The following STOX1 variants were observed in gnomAD, a reference collection of about 807,000 sequenced individuals.
The protein encoded by STOX1 is storkhead box 1, also known as storkhead-box protein 1.
In STOX1, 57 loss-of-function variants were observed where a neutral mutation model predicts 74.8. The ratio of observed to expected loss-of-function variants is 0.76; its 90% confidence interval spans 0.62 to 0.95. STOX1 has a LOEUF of 0.95. Ranked by LOEUF, STOX1 falls within the 40% of genes least tolerant of loss-of-function variation. The pLI is 0.00. For synonymous variants in STOX1, 375 were observed against 401.3 expected, an observed-to-expected ratio of 0.93 and a Z score of 0.78; for missense variants, 1,010 against 1,117.0, an observed-to-expected ratio of 0.90 and a Z score of 1.37.
rs1251786736 is a variant in STOX1 at position 68,827,556 on chromosome 10, C to T, written c.-68C>T. 9 of 1,023,302 alleles carry T rather than the reference C, an allele frequency of 8.8e-6. No individual in the cohort carries two copies. The East Asian group carries it at 4.7e-4, about 53-fold the overall frequency. 63.4% of individuals were successfully genotyped at this position (1,023,302 alleles called of 1,614,324 possible). ...GCAGTCGGCCGATCCTCCCGCCGAGCGAGCGGCGTCGTAGCCGCCGCGCTC... is the reference window on the plus strand; with the variant it reads ...GCAGTCGGCCGATCCTCCCGCCGAGTGAGCGGCGTCGTAGCCGCCGCGCTC... On this transcript the variant is annotated 5_prime_UTR_variant, in exon 1 of 4. Coordinates refer to ENST00000298596, the MANE Select transcript of STOX1 (RefSeq NM_152709.5).
Position 68,885,691 on chromosome 10 carries a change from G to T in STOX1, c.1895G>T (p.Gly632Val). The T allele has an allele frequency of 6.2e-7, 1 of 1,614,074 alleles. No homozygotes were observed. The highest frequency in any genetic ancestry group is 8.5e-7 in the Non-Finnish European group (1 of 1,180,028). The change falls in exon 3 of 4, where the codon GGG (glycine) becomes GTG (valine). Residue 632 changes from glycine (G) to valine (V), a missense_variant. Coordinates refer to ENST00000298596, the MANE Select transcript of STOX1 (RefSeq NM_152709.5). ...AGTCATTCCCACTTTGACAAATTAG[G>T]GGAGACCAAACAGACTCCGCATAGT... ...RKSHSHFDKL[G>V]ETKQTPHSLP...
At chr10:68,839,839 G>A (rs376557707) in intron 1 of STOX1, among the ~76,000 whole-genome samples, 1 of 152,088 alleles carries the variant, frequency 6.6e-6, no homozygotes, top group South Asian at 2.1e-4. Context: ...GCAGTGAGCC[G>A]AGATTGCGCC....
chr10:68,840,107 A>G lies in STOX1; in HGVS notation c.310+12174A>G, dbSNP rs1368324978. On this transcript the variant is annotated intron_variant, in intron 1 of 3. Coordinates refer to ENST00000298596, the MANE Select transcript of STOX1 (RefSeq NM_152709.5). ...GGGGACAAAAGGGTCTCTTCAACAA[A>G]TGGTCCTGGGAAAACAATCTCCACA... 4.6e-5 allele frequency among the ~76,000 whole-genome samples: 7 copies of G among 152,198 alleles called. No individual in the cohort carries two copies. The East Asian group carries it at 1.3e-3, about 29-fold the overall frequency.
chr10:68,862,276 C>G (rs966048647), intron 1 of STOX1, among the ~76,000 whole-genome samples: 11 of 151,642 alleles, frequency 7.3e-5, no homozygotes, highest in African/African-American at 2.2e-4. Context: ...AGAGGCTTCC[C>G]AAGGATGGGA....
chr10:68,889,801 G>A (rs941162267), intron 3 of STOX1, among the ~76,000 whole-genome samples: 2 of 151,326 alleles, frequency 1.3e-5, no homozygotes, highest in African/African-American at 2.4e-5. Flanking sequence ...TGCCTCAGGT[G>A]ATCCACTCGT....
intron 3 of STOX1, among the ~76,000 whole-genome samples, chr10:68,891,482 G>A (rs1178310696): frequency 6.6e-6 from 1 of 152,090 alleles, no homozygotes; most frequent in African/African-American, 2.4e-5. Flanking sequence ...TTGATGGAGA[G>A]TAGCAAAGTG....
At chr10:68,883,274 T>G (rs1424006476) in intron 2 of STOX1, among the ~76,000 whole-genome samples, 1 of 152,050 alleles carries the variant, frequency 6.6e-6, no homozygotes, top group Non-Finnish European at 1.5e-5. Flanking sequence ...TAATCCTAGC[T>G]ACTAAATAAA....
chr10:68,835,489 A>C (rs1246372170), intron 1 of STOX1, among the ~76,000 whole-genome samples: 1 of 151,910 alleles, frequency 6.6e-6, no homozygotes, highest in Non-Finnish European at 1.5e-5. Context: ...CATCTGGCTA[A>C]TTTATTTTTA....
intron 1 of STOX1, among the ~76,000 whole-genome samples, chr10:68,852,413 C>T (rs1329744575): frequency 7.3e-5 from 11 of 151,166 alleles, no homozygotes; most frequent in Non-Finnish European, 1.0e-4. Context: ...CGCCCGCCAC[C>T]GCACCCGGCT....
intron 1 of STOX1, among the ~76,000 whole-genome samples, chr10:68,864,673 G>T (rs1290975172): frequency 1.3e-5 from 2 of 152,228 alleles, no homozygotes; most frequent in East Asian, 3.8e-4. Flanking sequence ...ACCAGTAGGT[G>T]AATGATAAGT....
In STOX1 at chr10:68,886,285, T is replaced by A; in HGVS notation, c.2489T>A (p.Phe830Tyr). Reference protein sequence around the residue: ...ESCGLNSGAQFGFNYEEEPSV... With the variant: ...ESCGLNSGAQYGFNYEEEPSV... ...TGTGGCCTAAATTCAGGGGCCCAGT[T>A]TGGTTTTAACTACGAAGAAGAACCC... The change falls in exon 3 of 4, where the codon TTT (phenylalanine) becomes TAT (tyrosine). Residue 830 changes from phenylalanine to tyrosine, a missense_variant. Transcript: ENST00000298596. The A allele has an allele frequency of 6.2e-7, 1 of 1,614,204 alleles. No individual in the cohort carries two copies. The highest frequency in any genetic ancestry group is 8.5e-7 in the Non-Finnish European group (1 of 1,180,032).
intron 1 of STOX1, among the ~76,000 whole-genome samples, chr10:68,863,236 G>T (rs1373501114): frequency 6.6e-6 from 1 of 152,066 alleles, no homozygotes; most frequent in East Asian, 1.9e-4. Flanking sequence ...AGGTAAATAT[G>T]CCCCAATAGT....
intron 1 of STOX1, among the ~76,000 whole-genome samples, chr10:68,866,903 T>C (rs1465577866): frequency 2.0e-5 from 3 of 151,502 alleles, no homozygotes; most frequent in Admixed American, 2.0e-4. Flanking sequence ...TTTCCGTCTT[T>C]ATCAAATTTA....
chr10:68,845,049 G>C (rs570637688), intron 1 of STOX1, among the ~76,000 whole-genome samples: 1 of 151,390 alleles, frequency 6.6e-6, no homozygotes, highest in Admixed American at 6.6e-5. Context: ...AGGTGTGAGC[G>C]ACAGTGCCTG....
chr10:68,870,294 G>C (rs1840506671), intron 1 of STOX1, among the ~76,000 whole-genome samples: 1 of 152,140 alleles, frequency 6.6e-6, no homozygotes, highest in Non-Finnish European at 1.5e-5. Context: ...AGAATCTTGG[G>C]AAGAAGAGGC....
intron 1 of STOX1, among the ~76,000 whole-genome samples, chr10:68,856,409 C>A (rs1179956474): frequency 1.3e-5 from 2 of 152,014 alleles, no homozygotes; most frequent in Non-Finnish European, 2.9e-5. Flanking sequence ...CCCGTTTGGA[C>A]CCTAGGAGAG....
chr10:68,863,032 G>A (rs1212843996), intron 1 of STOX1, among the ~76,000 whole-genome samples: 1 of 152,028 alleles, frequency 6.6e-6, no homozygotes, highest in East Asian at 1.9e-4. Flanking sequence ...ATAGCAAGGG[G>A]GTAGGCAACT....
chr10:68,834,786 G>A lies in STOX1; in HGVS notation c.310+6853G>A, dbSNP rs186777143. On this transcript the variant is annotated intron_variant, in intron 1 of 3. Transcript: ENST00000298596. ...GTCACCCAGGCTGGAGTGCAGTGGC[G>A]TGATCTCGGCTCACTGCAACCTATG... Among the ~76,000 whole-genome samples, 814 of 151,808 alleles carry A rather than the reference G, an allele frequency of 5.4e-3. 10 individuals are homozygous for A. The highest frequency in any genetic ancestry group is 0.019 in the African/African-American group (791 of 41,396).
chr10:68,860,721 G>T (rs1840247195), intron 1 of STOX1, among the ~76,000 whole-genome samples: 2 of 151,972 alleles, frequency 1.3e-5, no homozygotes. Flanking sequence ...GTGTTAAATG[G>T]GCCAACCAGT....
Sources: allele counts gnomAD v4.1 joint callset (sites outside exome capture counted in the v4.1 genomes callset), GRCh38; gene constraint gnomAD v4.1.1; transcripts MANE v1.5; gene names NCBI Gene and HGNC (gene_info 2026-07-23, HGNC 2026-07-21).